Variants in GRM5 observed in about 807,000 individuals in gnomAD.
GRM5 encodes the protein metabotropic glutamate receptor 5.
A neutral mutation model predicts 83.1 loss-of-function variants in GRM5; 19 were observed. The ratio of observed to expected loss-of-function variants is 0.23; its 90% CI spans 0.16 to 0.34. The LOEUF is 0.34. Ranked by LOEUF, GRM5 falls within the 10% of genes least tolerant of loss-of-function variation. The pLI is 1.00. For synonymous variants in GRM5, 675 were observed against 633.6 expected (o/e 1.07, Z -0.98); for missense variants, 1,160 against 1,588.3 (o/e 0.73, Z 4.58).
intron 2 of GRM5, among the ~76,000 whole-genome samples, chr11:89,013,545 C>T (rs944707245): frequency 1.3e-5 from 2 of 152,202 alleles, no homozygotes; most frequent in African/African-American, 4.8e-5. Context: ...CTCACTCTCA[C>T]ACCTGACAAT....
chr11:88,749,370 TGACA>T (rs1454679927), intron 3 of GRM5, among the ~76,000 whole-genome samples: 8 of 152,082 alleles, frequency 5.3e-5, no homozygotes, highest in African/African-American at 9.7e-5. Flanking sequence ...TTCTGAAATT[TGACA>T]GACAGACAAG....
chr11:88,997,326 T>G (rs1403110319), intron 2 of GRM5, among the ~76,000 whole-genome samples: 3 of 84,198 alleles, frequency 3.6e-5, no homozygotes, highest in Non-Finnish European at 6.3e-5. Flanking sequence ...AAACTCTGTC[T>G]CAAAATTAAA....
At chr11:88,803,357 A>T (rs2135488818) in intron 3 of GRM5, among the ~76,000 whole-genome samples, 1 of 152,236 alleles carries the variant, frequency 6.6e-6, no homozygotes, top group South Asian at 2.1e-4. Context: ...AATGGAACAG[A>T]ACAGAGCCCT....
intron 2 of GRM5, among the ~76,000 whole-genome samples, chr11:88,922,867 A>G: frequency 6.6e-6 from 1 of 152,020 alleles, no homozygotes; most frequent in Non-Finnish European, 1.5e-5. Context: ...AAGAAGCTCA[A>G]GCAACTCAAT....
At chr11:88,727,263 A>C (rs1941706210) in intron 3 of GRM5, among the ~76,000 whole-genome samples, 1 of 151,894 alleles carries the variant, frequency 6.6e-6, no homozygotes. Flanking sequence ...CAGACTTTAA[A>C]CCAACAAAGG....
chr11:88,721,191 A>ACACT (rs973016898), intron 3 of GRM5, among the ~76,000 whole-genome samples: 2 of 152,108 alleles, frequency 1.3e-5, no homozygotes, highest in African/African-American at 4.8e-5. Context: ...GATACAAAGC[A>ACACT]CACTCAACAA....
intron 2 of GRM5, among the ~76,000 whole-genome samples, chr11:88,918,803 G>A (rs1253670142): frequency 6.6e-6 from 1 of 151,784 alleles, no homozygotes; most frequent in Non-Finnish European, 1.5e-5. Flanking sequence ...TTTGCAATCA[G>A]AGTTAAGTAG....
At chr11:88,974,775 C>T (rs1283935388) in intron 2 of GRM5, among the ~76,000 whole-genome samples, 1 of 152,132 alleles carries the variant, frequency 6.6e-6, no homozygotes, top group Non-Finnish European at 1.5e-5. Flanking sequence ...TCTCTTATCT[C>T]TCATCTCTTT....
intron 2 of GRM5, among the ~76,000 whole-genome samples, chr11:88,948,983 T>C (rs75068424): frequency 0.013 from 2,015 of 152,308 alleles, 49 homozygotes; most frequent in African/African-American, 0.046. Context: ...TCTGGAAAGA[T>C]ATTACTGTGT....
chr11:88,674,111 G>A (rs906293776), intron 3 of GRM5, among the ~76,000 whole-genome samples: 1 of 151,836 alleles, frequency 6.6e-6, no homozygotes, highest in Non-Finnish European at 1.5e-5. Flanking sequence ...ATTCAGGGTT[G>A]TATTTAGGTG....
At chr11:88,831,747 G>A (rs887106176) in intron 3 of GRM5, among the ~76,000 whole-genome samples, 32 of 152,252 alleles carry the variant, frequency 2.1e-4, no homozygotes, top group African/African-American at 7.2e-4. Context: ...GATAACACCA[G>A]CTTGGACTGC....
At chr11:88,598,996 C>T (rs1937899592) in intron 5 of GRM5, among the ~76,000 whole-genome samples, 1 of 152,138 alleles carries the variant, frequency 6.6e-6, no homozygotes, top group South Asian at 2.1e-4. Context: ...AGGACCTAAA[C>T]CAAGCCTTTA....
intron 7 of GRM5, among the ~76,000 whole-genome samples, chr11:88,568,900 G>A (rs998906710): frequency 1.3e-5 from 2 of 152,094 alleles, no homozygotes; most frequent in Non-Finnish European, 2.9e-5. Flanking sequence ...GGCAGGCAAG[G>A]GAAGTGCACC....
chr11:88,890,823 A>G (rs961461578), intron 2 of GRM5, among the ~76,000 whole-genome samples: 2 of 152,128 alleles, frequency 1.3e-5, no homozygotes, highest in African/African-American at 4.8e-5. Flanking sequence ...GTTTCTCAAC[A>G]AATGTAAAAC....
intron 2 of GRM5, among the ~76,000 whole-genome samples, chr11:88,982,168 C>T (rs775349033): frequency 3.3e-5 from 5 of 152,134 alleles, no homozygotes; most frequent in Non-Finnish European, 7.4e-5. Context: ...AGATGATCAG[C>T]TGGTCACTAA....
chr11:88,707,805 G>T (rs1565195307), intron 3 of GRM5, among the ~76,000 whole-genome samples: 1 of 152,064 alleles, frequency 6.6e-6, no homozygotes, highest in Non-Finnish European at 1.5e-5. Context: ...AATTCTTTGC[G>T]CCTTTAACTA....
intron 3 of GRM5, among the ~76,000 whole-genome samples, chr11:88,791,113 C>T (rs1043118889): frequency 1.3e-5 from 2 of 152,120 alleles, no homozygotes; most frequent in African/African-American, 4.8e-5. Context: ...AAACCAGTAG[C>T]ATGAACAGGA....
At chr11:88,605,144 G>A (rs1431348354) in intron 4 of GRM5, among the ~76,000 whole-genome samples, 180 bp from the exon 5 acceptor site, 1 of 152,078 alleles carries the variant, frequency 6.6e-6, no homozygotes, top group Non-Finnish European at 1.5e-5. Context: ...GTTATCTTCT[G>A]TATTCAGGTT....
chr11:88,616,541 A>G (rs768991243), intron 4 of GRM5, among the ~76,000 whole-genome samples: 7 of 152,020 alleles, frequency 4.6e-5, no homozygotes, highest in Non-Finnish European at 8.8e-5. Flanking sequence ...AGATTATGGT[A>G]GCTTAGTCCG....
Sources: allele counts gnomAD v4.1 joint callset (sites outside exome capture counted in the v4.1 genomes callset), GRCh38; gene constraint gnomAD v4.1.1; transcripts MANE v1.5; gene names NCBI Gene and HGNC (gene_info 2026-07-23, HGNC 2026-07-21).